Variants in FN1 observed in about 807,000 individuals in gnomAD.
The protein encoded by FN1 is fibronectin 1.
Under a neutral mutation model 297.3 loss-of-function variants are expected in FN1, and 106 were observed. That is an observed-to-expected ratio of 0.36 (90% CI 0.30 to 0.42). FN1 has a LOEUF of 0.42. FN1 is among the 10% of genes least tolerant of loss of function. The pLI, the probability that FN1 is intolerant of heterozygous loss-of-function variation, is 1.00. For synonymous variants in FN1, 1,149 were observed against 1,152.6 expected, an observed-to-expected ratio of 1.00 and a Z score of 0.06; for missense variants, 2,690 against 3,124.9, an observed-to-expected ratio of 0.86 and a Z score of 3.32.
chr2:215,382,548 C>T (rs1259087504), intron 31 of FN1, among the ~76,000 whole-genome samples: 1 of 152,134 alleles, frequency 6.6e-6, no homozygotes, highest in East Asian at 1.9e-4. Context: ...AGGATAAGAT[C>T]TAAAACTTAA....
Position 215,408,158 on chromosome 2 carries a change from T to C in FN1, c.2468A>G (p.Asp823Gly), listed in dbSNP as rs1358574674. The C allele has an allele frequency of 2.5e-6, 4 of 1,614,070 alleles. No homozygotes were observed. Among genetic ancestry groups the C allele is most frequent in the Non-Finnish European group, 3.4e-6 (4 of 1,180,024 alleles). ...APPDTTVDQV[D>G]DTSIVVRWSR... ...CCAGCGAACAACAATTGAGGTGTCA[T>C]CAACTTGGTCCACAGTCGTGTCAGG... The change falls in exon 17 of 46, where the codon GAT becomes GGT. Residue 823 changes from aspartate to glycine, a missense_variant. Asp to Gly is a moderately conservative substitution (Grantham distance 94, BLOSUM62 -1). Around this residue, in one of 3 missense-constraint regions of FN1, gnomAD observed 876 missense variants for 1,058.1 expected, o/e 0.83. Transcript: ENST00000354785.
intron 41 of FN1, among the ~76,000 whole-genome samples, chr2:215,368,614 A>G (rs1290702054): frequency 6.6e-6 from 1 of 152,376 alleles, no homozygotes; most frequent in East Asian, 1.9e-4. Flanking sequence ...TAGCATTTTA[A>G]TATACCATTA....
intron 13 of FN1, among the ~76,000 whole-genome samples, chr2:215,412,948 T>C (rs1031891571): frequency 1.3e-5 from 2 of 152,078 alleles, no homozygotes; most frequent in African/African-American, 4.8e-5. Context: ...TATAGACCGA[T>C]CGCATCATGC....
At position 215,393,043 on chromosome 2, in the gene FN1, T is replaced by C; in HGVS notation, c.3957A>G (p.Ser1319=). The change falls in exon 25 of 46, where the codon TCA becomes TCG. Residue 1319 remains serine (S), a synonymous_variant. Coordinates refer to ENST00000354785, the MANE Select transcript of FN1 (RefSeq NM_212482.4). ...IPIFEDFVDS[S]VGYYTVTGLE... ...GCCCTGTGACTGTGTAGTATCCTACTGAGGAGTCCACAAAATCTTCAAAAA... is the reference window on the plus strand; with the variant it reads ...GCCCTGTGACTGTGTAGTATCCTACCGAGGAGTCCACAAAATCTTCAAAAA... The C allele has an allele frequency of 6.2e-7, 1 of 1,614,064 alleles. No homozygotes were observed. Among genetic ancestry groups the C allele is most frequent in the South Asian group, 1.1e-5 (1 of 91,068 alleles).
At chr2:215,405,597 G>A (rs1405101036) in intron 19 of FN1, among the ~76,000 whole-genome samples, 1 of 152,062 alleles carries the variant, frequency 6.6e-6, no homozygotes, top group East Asian at 1.9e-4. Context: ...ACAAAAATTA[G>A]CAGGGCATGG....
At chr2:215,424,838 G>A (rs1259916196) in intron 7 of FN1, among the ~76,000 whole-genome samples, 1 of 152,158 alleles carries the variant, frequency 6.6e-6, no homozygotes, top group African/African-American at 2.4e-5. Context: ...TATTCAGAAA[G>A]TAGCTCTCTT....
At position 215,414,841 on chromosome 2, in the gene FN1, C is replaced by T. The variant is rs2063218064; in HGVS notation, c.1937G>A (p.Arg646Lys). 1.2e-6 allele frequency: 2 copies of T among 1,613,006 alleles called. No homozygotes were observed. The highest frequency in any genetic ancestry group is 8.5e-7 in the Non-Finnish European group (1 of 1,179,130). The change falls in exon 13 of 46, where the codon AGA becomes AAA. Residue 646 changes from arginine to lysine, a missense_variant. Physicochemically the swap from Arg to Lys is conservative, Grantham distance 26. Around this residue, in one of 3 missense-constraint regions of FN1, gnomAD observed 876 missense variants for 1,058.1 expected, o/e 0.83. Coordinates refer to ENST00000354785, the MANE Select transcript of FN1 (RefSeq NM_212482.4). Reference protein sequence around the residue: ...SHISKYILRWRPKNSVGRWKE... With the variant: ...SHISKYILRWKPKNSVGRWKE... ...GTTTCTGGGTGGGATACTCACAGGT[C>T]TCCACCTGAGAATGTACTTGGAAAT...
In FN1 at chr2:215,423,289, C is replaced by G. The variant is rs578076925; in HGVS notation, c.1393+61G>C. ...AAATGGGAGTAAACTGGACACTAGT[C>G]TTTAGTCTCTACTCCCTAAATTGTT... On this transcript the variant is annotated intron_variant, in intron 9 of 45. Transcript: ENST00000354785. 1.0e-5 allele frequency: 16 copies of G among 1,560,294 alleles called. 1 individual carries two copies. The South Asian group carries it at 1.7e-4, about 16-fold the overall frequency.
intron 2 of FN1, among the ~76,000 whole-genome samples, 154 bp from the exon 3 acceptor site, chr2:215,433,615 C>G (rs2066919175): frequency 6.6e-6 from 1 of 152,156 alleles, no homozygotes; most frequent in Non-Finnish European, 1.5e-5. Context: ...GATTTTTATC[C>G]TAAGCTCTAA....
chr2:215,388,340 AAAAGCATGAGAAACT>A (rs2059287986), intron 26 of FN1, 39 bp from the exon 27 acceptor site: 2 of 1,457,676 alleles, frequency 1.4e-6, no homozygotes, highest in African/African-American at 2.8e-5. Flanking sequence ...AACTCTGCTC[AAAAGCATGAGAAACT>A]AAAGCACGCC....
intron 26 of FN1, among the ~76,000 whole-genome samples, chr2:215,390,135 CAGTGGCAATTTACTTAACTGCTGGGG>C (rs1559426888): frequency 6.6e-6 from 1 of 152,118 alleles, no homozygotes; most frequent in Non-Finnish European, 1.5e-5. Context: ...ACTAGCTGGC[CAGTGGCAATTTACTTAACTGCTGGGG>C]ACCTCGACGG....
At chr2:215,426,073 C>A (rs1368872244) in intron 6 of FN1, among the ~76,000 whole-genome samples, 1 of 151,826 alleles carries the variant, frequency 6.6e-6, no homozygotes, top group Non-Finnish European at 1.5e-5. Flanking sequence ...TTTTCTAAAA[C>A]CAATTGATCC....
rs1189617252 is a variant in FN1, at chr2:215,399,371, C to T, written c.3254-20G>A. 6.5e-6 allele frequency: 10 copies of T among 1,542,334 alleles called. No individual in the cohort carries two copies. The highest frequency in any genetic ancestry group is 9.0e-6 in the Non-Finnish European group (10 of 1,114,762). On this transcript the variant is annotated intron_variant, in intron 20 of 45. Transcript: ENST00000354785. ...GCTGCACTGTGAGAGAGAATCAATG[C>T]ACATATTCAAAACTCAAACTCACAG...
At chr2:215,407,952 C>T (rs1473662306) in intron 17 of FN1, among the ~76,000 whole-genome samples, 156 bp downstream of exon 17, 6 of 36,248 alleles carry the variant, frequency 1.7e-4, no homozygotes, top group Non-Finnish European at 3.0e-4. Flanking sequence ...CCCCCACCCC[C>T]GCCACACACA....
chr2:215,383,430 T>C lies in FN1; in HGVS notation c.4948A>G (p.Ser1650Gly). The C allele has an allele frequency of 6.2e-7, 1 of 1,614,122 alleles. No homozygotes were observed. ...GAACTTGAAGGCAGCCACTTGACAC[T>C]AATGCTGTTGTCCTGAACATCGGTC... ...QVTDVQDNSI[S>G]VKWLPSSSPV... is the part of the protein sequence containing the mutation. Residue 1650 changes from serine (S) to glycine (G), a missense_variant, in exon 31 of 46, where the codon AGT becomes GGT. Ser to Gly is a moderately conservative substitution (Grantham distance 56). Transcript: ENST00000354785.
chr2:215,426,360 G>C (rs1206099133), intron 6 of FN1, among the ~76,000 whole-genome samples: 6 of 151,910 alleles, frequency 3.9e-5, no homozygotes, highest in African/African-American at 1.5e-4. Context: ...GTGTTAGCCA[G>C]GATGGTCTCG....
At chr2:215,406,142 C>G in intron 19 of FN1, 96 bp downstream of exon 19, 1 of 1,257,556 alleles carries the variant, frequency 8.0e-7, no homozygotes, top group Non-Finnish European at 1.2e-6. Flanking sequence ...CTCTCTAAGC[C>G]ATACACCTCT....
At chr2:215,427,115 T>C (rs1056029664) in intron 6 of FN1, among the ~76,000 whole-genome samples, 1 of 152,138 alleles carries the variant, frequency 6.6e-6, no homozygotes, top group Non-Finnish European at 1.5e-5. Context: ...GACCTCGTGA[T>C]CCGCCTGCCT....
chr2:215,407,706 G>A (rs2106275878), intron 17 of FN1, among the ~76,000 whole-genome samples: 1 of 152,228 alleles, frequency 6.6e-6, no homozygotes, highest in Admixed American at 6.5e-5. Context: ...TGTCTTTTTG[G>A]AACTTCAGTG....
Sources: allele counts gnomAD v4.1 joint callset (sites outside exome capture counted in the v4.1 genomes callset), GRCh38; gene constraint gnomAD v4.1.1; regional missense constraint gnomAD v4.1.1; transcripts MANE v1.5; gene names NCBI Gene and HGNC (gene_info 2026-07-23, HGNC 2026-07-21).